Variants in SIRPG observed in about 807,000 individuals in gnomAD.
The protein encoded by SIRPG is signal-regulatory protein gamma.
In SIRPG, 38 loss-of-function variants were observed where a neutral mutation model predicts 35.7. That is an observed-to-expected ratio of 1.06 (90% CI 0.82 to 1.40). The LOEUF (loss-of-function observed/expected upper bound fraction) is 1.40, where lower values mean the gene tolerates loss of function less well. Among genes scored for constraint, SIRPG ranks in the 40% most tolerant of loss-of-function variants. The pLI is 0.00. For missense variants in SIRPG, 519 were observed against 483.0 expected (o/e 1.07, Z -0.70); for synonymous variants, 215 against 190.4 (o/e 1.13, Z -1.06).
chr20:1,636,445 A>C lies in SIRPG; in HGVS notation c.491T>G (p.Val164Gly). The change falls in exon 3 of 6, where the codon GTG becomes GGG. Residue 164 changes from valine to glycine, a missense_variant. Transcript: ENST00000303415. ...GCCATGGGACTCACAGGTGAAACTC[A>C]CTGTATGCTCAGGTGTGGTCCTCGC... is the stretch of plus-strand genomic sequence containing the variant. ...PAARTTPEHTVSFTCESHGFS... is the reference protein window; with the variant it reads ...PAARTTPEHTGSFTCESHGFS... 1 of 1,614,172 alleles carries C rather than the reference A, an allele frequency of 6.2e-7. No individual in the cohort carries two copies. Among genetic ancestry groups the C allele is most frequent in the Non-Finnish European group, 8.5e-7 (1 of 1,180,032 alleles).
intron 2 of SIRPG, among the ~76,000 whole-genome samples, chr20:1,643,739 C>A (rs2122506568): frequency 6.6e-6 from 1 of 152,134 alleles, no homozygotes; most frequent in East Asian, 1.9e-4. Context: ...GGCTGCTGAC[C>A]CTTGGATGGG....
chr20:1,639,841 C>A (rs550014825), intron 2 of SIRPG, among the ~76,000 whole-genome samples: 3 of 152,340 alleles, frequency 2.0e-5, no homozygotes, highest in Admixed American at 6.5e-5. Context: ...CTGCATATGG[C>A]TAACCAGTTT....
At chr20:1,674,279 C>T in the SIRPG span, among the ~76,000 whole-genome samples, 2 of 151,940 alleles carry the variant, frequency 1.3e-5, no homozygotes, top group African/African-American at 4.8e-5. Context: ...AGCCACCAGA[C>T]CCCACCCCAA....
chr20:1,681,433 G>C, the SIRPG span, among the ~76,000 whole-genome samples: 1 of 152,176 alleles, frequency 6.6e-6, no homozygotes, highest in Non-Finnish European at 1.5e-5. Flanking sequence ...TGTGTGTGGT[G>C]GGGGGCAGGG....
Position 1,636,125 on chromosome 20 carries a change from G to C in SIRPG, c.748+63C>G. On this transcript the variant is annotated intron_variant, in intron 3 of 5. Transcript: ENST00000303415. The stretch of plus-strand genomic sequence containing the variant: ...CATTCAACCTCTGGAGCAACAGCCT[G>C]GGGAGAGGGGAGTGGGCTTGACAGC... 3.7e-6 allele frequency: 6 copies of C among 1,609,068 alleles called. No homozygotes were observed. The South Asian group carries it at 6.6e-5, about 18-fold the overall frequency.
At chr20:1,683,754 G>T in the SIRPG span, among the ~76,000 whole-genome samples, 1 of 152,118 alleles carries the variant, frequency 6.6e-6, no homozygotes, top group Non-Finnish European at 1.5e-5. Context: ...GATCACCTGA[G>T]GTCAGGAGTT....
intron 1 of SIRPG, among the ~76,000 whole-genome samples, chr20:1,656,442 A>G (rs913957127): frequency 6.6e-6 from 1 of 152,236 alleles, no homozygotes; most frequent in Non-Finnish European, 1.5e-5. Context: ...GCAATTGCTG[A>G]ACTATTACTG....
chr20:1,648,978 T>C (rs2091917531), intron 2 of SIRPG, 74 bp downstream of exon 2: 1 of 1,329,366 alleles, frequency 7.5e-7, no homozygotes, highest in African/African-American at 1.5e-5. Context: ...TGATTGTTGC[T>C]CAAAGAATGG....
chr20:1,636,485 C>A lies in SIRPG; in HGVS notation c.451G>T (p.Val151Leu). 6.2e-7 allele frequency: 1 copy of A among 1,614,150 alleles called. No homozygotes were observed. Among genetic ancestry groups the A allele is most frequent in the Non-Finnish European group, 8.5e-7 (1 of 1,179,988 alleles). ...GTGGTCCTCGCCGCAGGGCCCAATA[C>A]CACGGGGGCAGAGGGTTTGGCTACA... ...ALGAKPSAPV[V>L]LGPAARTTPE... The change falls in exon 3 of 6, where the codon GTA (valine) becomes TTA (leucine). Residue 151 changes from valine to leucine, a missense_variant. Transcript: ENST00000303415.
chr20:1,636,625 G>A (rs2091805429), intron 2 of SIRPG, 120 bp from the exon 3 acceptor site: 3 of 1,134,238 alleles, frequency 2.6e-6, no homozygotes, highest in African/African-American at 3.1e-5. Flanking sequence ...ATAATGTGGA[G>A]AGGATGGTGT....
the SIRPG span, among the ~76,000 whole-genome samples, chr20:1,683,434 G>A: frequency 3.3e-5 from 5 of 152,266 alleles, no homozygotes; most frequent in East Asian, 1.9e-4. Context: ...ATGTCACAGC[G>A]ATATCTGCAC....
At chr20:1,635,746 T>C in intron 3 of SIRPG, 147 bp from the exon 4 acceptor site, 1 of 850,682 alleles carries the variant, frequency 1.2e-6, no homozygotes, top group Non-Finnish European at 1.8e-6. Context: ...GAGGGCGCTC[T>C]TTGCATATGA....
At chr20:1,667,089 G>A in the SIRPG span, among the ~76,000 whole-genome samples, 1 of 152,148 alleles carries the variant, frequency 6.6e-6, no homozygotes, top group Admixed American at 6.5e-5. Flanking sequence ...TAGAGACAGG[G>A]TCTCACCATG....
the SIRPG span, among the ~76,000 whole-genome samples, chr20:1,686,178 T>A: frequency 6.6e-6 from 1 of 152,086 alleles, no homozygotes; most frequent in African/African-American, 2.4e-5. Flanking sequence ...ACAGAGAAAG[T>A]GCTCAGCTCC....
At chr20:1,640,102 G>A (rs187440462) in intron 2 of SIRPG, among the ~76,000 whole-genome samples, 7 of 152,036 alleles carry the variant, frequency 4.6e-5, no homozygotes, top group East Asian at 1.9e-4. Context: ...TTGGCTATAC[G>A]GGCTTTTTTT....
At chr20:1,651,430 C>T (rs976971048) in intron 1 of SIRPG, 1 of 152,328 alleles carries the variant, frequency 6.6e-6, no homozygotes, top group Admixed American at 6.6e-5. Context: ...CTTCTCATCT[C>T]TCATCTCTCT....
At chr20:1,672,980 A>G in the SIRPG span, among the ~76,000 whole-genome samples, 31 of 152,230 alleles carry the variant, frequency 2.0e-4, no homozygotes, top group Non-Finnish European at 4.3e-4. Context: ...GAAAGCACAC[A>G]GATTAGAGAA....
At chr20:1,681,827 C>A in the SIRPG span, among the ~76,000 whole-genome samples, 1 of 151,944 alleles carries the variant, frequency 6.6e-6, no homozygotes, top group Non-Finnish European at 1.5e-5. Flanking sequence ...CAGAGTGAGA[C>A]CTTGACTCAA....
chr20:1,656,121 C>T (rs1490864337), intron 1 of SIRPG, among the ~76,000 whole-genome samples: 2 of 152,044 alleles, frequency 1.3e-5, no homozygotes, highest in Admixed American at 1.3e-4. Context: ...AGTGTTTTAC[C>T]TCTGATTGTT....
Sources: gnomAD v4.1 joint callset for allele counts (sites outside exome capture counted in the v4.1 genomes callset) on GRCh38, gnomAD v4.1.1 for gene constraint, MANE v1.5 for transcripts, NCBI Gene and HGNC (gene_info 2026-07-23, HGNC 2026-07-21) for gene names.